Variants in KCNN2 observed in about 807,000 individuals in gnomAD.
KCNN2 encodes the protein potassium calcium-activated channel subfamily N member 2.
In KCNN2, 24 loss-of-function variants were observed where a neutral mutation model predicts 55.5. That is an observed-to-expected ratio of 0.43 (90% CI 0.31 to 0.61). KCNN2 has a LOEUF of 0.61. Ranked by LOEUF, KCNN2 falls within the 20% of genes least tolerant of loss-of-function variation. KCNN2 has a pLI of 0.08. For synonymous variants in KCNN2, 431 were observed against 336.1 expected (o/e 1.28, Z -3.09); for missense variants, 754 against 853.6 (o/e 0.88, Z 1.45).
chr5:114,344,489 T>A (rs893557965), intron 2 of KCNN2, among the ~76,000 whole-genome samples: 1 of 152,202 alleles, frequency 6.6e-6, no homozygotes, highest in Non-Finnish European at 1.5e-5. Context: ...GGGAAGCTCT[T>A]TCAAGCTTCA....
At chr5:114,373,228 TC>T (rs1757818770) in intron 2 of KCNN2, among the ~76,000 whole-genome samples, 1 of 152,108 alleles carries the variant, frequency 6.6e-6, no homozygotes, top group Non-Finnish European at 1.5e-5. Flanking sequence ...CCCTGTGGAC[TC>T]CTCTACCTTC....
At chr5:114,269,383 T>C (rs1484340229) in intron 2 of KCNN2, among the ~76,000 whole-genome samples, 2 of 152,202 alleles carry the variant, frequency 1.3e-5, no homozygotes, top group Non-Finnish European at 2.9e-5. Flanking sequence ...AGCAGCCTGA[T>C]GCATGGCCTT....
At chr5:114,423,704 A>G (rs1448671506) in intron 3 of KCNN2, among the ~76,000 whole-genome samples, 1 of 152,236 alleles carries the variant, frequency 6.6e-6, no homozygotes, top group Non-Finnish European at 1.5e-5. Flanking sequence ...AGGTATATGC[A>G]TGTGTAAACA....
rs1320909986 is a variant in KCNN2, at chr5:114,379,498, CAT to C, written c.1218+15500_1218+15501del. ...TATATTTATAGAATATATTATATAA[CAT>C]ATTATATATTTATAGAATATATTAT... is the stretch of plus-strand genomic sequence containing the variant. On this transcript the variant is annotated intron_variant, in intron 2 of 7. Coordinates refer to ENST00000673685, the MANE Select transcript of KCNN2 (RefSeq NM_021614.4). Among the ~76,000 whole-genome samples the C allele has an allele frequency of 4.6e-4, 50 of 107,716 alleles. 2 individuals carry two copies. The highest frequency in any genetic ancestry group is 1.3e-4 in the Non-Finnish European group (7 of 55,512). The allele number at this position is 107,716 out of a possible 152,430, so 70.7% of individuals were successfully genotyped here.
At chr5:114,325,176 A>G (rs1413213364) in intron 2 of KCNN2, among the ~76,000 whole-genome samples, 2 of 152,214 alleles carry the variant, frequency 1.3e-5, no homozygotes, top group Non-Finnish European at 2.9e-5. Flanking sequence ...ACTTATGGTA[A>G]AATGCAAGAA....
chr5:114,167,167 C>A (rs930554146), intron 1 of KCNN2, among the ~76,000 whole-genome samples: 2 of 152,106 alleles, frequency 1.3e-5, no homozygotes, highest in South Asian at 4.1e-4. Flanking sequence ...TGATTTCAGG[C>A]CCTAACCTAC....
intron 2 of KCNN2, among the ~76,000 whole-genome samples, chr5:114,252,609 G>A (rs1247463573): frequency 1.3e-5 from 2 of 152,120 alleles, no homozygotes; most frequent in African/African-American, 4.8e-5. Context: ...TTAGTTAGGA[G>A]AGCAGAACTA....
At chr5:114,235,929 A>G (rs1754481851) in intron 2 of KCNN2, among the ~76,000 whole-genome samples, 1 of 152,152 alleles carries the variant, frequency 6.6e-6, no homozygotes, top group Non-Finnish European at 1.5e-5. Context: ...TGGGGGAGAA[A>G]ACTAATCAGT....
chr5:114,414,621 A>G (rs1759249645), intron 3 of KCNN2, among the ~76,000 whole-genome samples: 1 of 152,162 alleles, frequency 6.6e-6, no homozygotes, highest in Non-Finnish European at 1.5e-5. Context: ...ATAATTAAGG[A>G]TACTAAAAAA....
At chr5:114,408,672 A>T (rs1177524749) in intron 3 of KCNN2, among the ~76,000 whole-genome samples, 1 of 152,198 alleles carries the variant, frequency 6.6e-6, no homozygotes, top group South Asian at 2.1e-4. Context: ...GGAAATAGCC[A>T]GGTCTGACAA....
intron 2 of KCNN2, among the ~76,000 whole-genome samples, chr5:114,313,711 ATCTTCCCTTT>A (rs1756448826): frequency 6.6e-6 from 1 of 152,138 alleles, no homozygotes; most frequent in Non-Finnish European, 1.5e-5. Context: ...TGCAAAAGGC[ATCTTCCCTTT>A]AATATATGTC....
At chr5:114,105,179 C>T (rs62381845) in intron 1 of KCNN2, among the ~76,000 whole-genome samples, 19,977 of 151,964 alleles carry the variant, frequency 0.13, 1,507 homozygotes, top group East Asian at 0.29. Context: ...TATTCCTGTT[C>T]ATCTTTGCAC....
intron 1 of KCNN2, among the ~76,000 whole-genome samples, chr5:114,141,299 G>A (rs1019018438): frequency 4.6e-5 from 7 of 151,876 alleles, no homozygotes; most frequent in African/African-American, 1.7e-4. Context: ...CCCACGACAG[G>A]CCCCGGTGTG....
intron 1 of KCNN2, among the ~76,000 whole-genome samples, chr5:114,186,578 G>A (rs1180955987): frequency 6.6e-6 from 1 of 152,134 alleles, no homozygotes; most frequent in Non-Finnish European, 1.5e-5. Context: ...AATGAGGAAG[G>A]TGCCTATGTG....
chr5:114,236,863 C>T (rs946133441), intron 2 of KCNN2, among the ~76,000 whole-genome samples: 3 of 152,014 alleles, frequency 2.0e-5, no homozygotes, highest in East Asian at 1.9e-4. Context: ...CTATGCTATA[C>T]GTAATATTTT....
chr5:114,124,348 GA>G lies in KCNN2; in HGVS notation c.-271+67850del, dbSNP rs1374596968. ...AGAGATCTAGAAAGGAAAAATCACA[GA>G]ACAAATGCCATGGATGTTTGCAAAA... is the stretch of plus-strand genomic sequence containing the variant. On this transcript the variant is annotated intron_variant, in intron 1 of 10. Coordinates refer to the KCNN2 transcript ENST00000512097. Among the ~76,000 whole-genome samples the G allele has an allele frequency of 2.0e-5, 3 of 152,262 alleles. No homozygotes were observed. In the East Asian group the frequency reaches 5.8e-4, roughly 29 times the overall value.
intron 2 of KCNN2, among the ~76,000 whole-genome samples, chr5:114,332,373 C>T (rs182297350): frequency 1.3e-5 from 2 of 152,156 alleles, no homozygotes; most frequent in Admixed American, 1.3e-4. Flanking sequence ...ATAACCCCAA[C>T]CCTTGCAAGG....
chr5:114,181,870 C>G (rs1033707413), intron 1 of KCNN2, among the ~76,000 whole-genome samples: 6 of 151,986 alleles, frequency 3.9e-5, no homozygotes, highest in African/African-American at 1.4e-4. Flanking sequence ...AAAAATTAGC[C>G]CAGCGTTGTG....
chr5:114,212,426 T>C (rs1049442544), intron 1 of KCNN2, among the ~76,000 whole-genome samples: 5 of 152,026 alleles, frequency 3.3e-5, no homozygotes, highest in African/African-American at 1.2e-4. Context: ...GTAGTTTCTT[T>C]CAGTGGTAAT....
Sources: allele counts gnomAD v4.1 joint callset (sites outside exome capture counted in the v4.1 genomes callset), GRCh38; gene constraint gnomAD v4.1.1; transcripts MANE v1.5; gene names NCBI Gene and HGNC (gene_info 2026-07-23, HGNC 2026-07-21).